Variants in TCP11L2 observed in about 807,000 individuals in gnomAD.
TCP11L2 encodes the protein t-complex 11 like 2.
TCP11L2 carries 39 observed loss-of-function variants against 50.7 expected under a neutral mutation model. That is an observed-to-expected ratio of 0.77 (90% CI 0.60 to 1.01). The LOEUF (loss-of-function observed/expected upper bound fraction) is 1.01. TCP11L2 is among the 50% of genes least tolerant of loss of function. The probability of loss-of-function intolerance (pLI) is 0.00; values close to 1 mark genes in which losing one functional copy is unlikely to be tolerated. For synonymous variants in TCP11L2, 192 were observed against 219.3 expected (o/e 0.88, Z 1.10); for missense variants, 612 against 614.7 (o/e 1.00, Z 0.05).
In TCP11L2 at chr12:106,313,410, G is replaced by A. The variant is rs190113282; in HGVS notation, c.158-948G>A. ...AGCCTGGCCAACATGGCGAAACACC[G>A]TCTCTAATAAAAATACAAAAATTAG... On this transcript the variant is annotated intron_variant, in intron 2 of 9. Transcript: ENST00000299045. Among the ~76,000 whole-genome samples, 18 of 152,082 alleles carry A rather than the reference G, an allele frequency of 1.2e-4. 1 individual carries two copies. The highest frequency in any genetic ancestry group is 4.1e-4 in the African/African-American group (17 of 41,492).
chr12:106,318,246 T>G, intron 3 of TCP11L2, 98 bp from the exon 4 acceptor site: 1 of 1,399,160 alleles, frequency 7.1e-7, no homozygotes, highest in Non-Finnish European at 9.7e-7. Flanking sequence ...TTCTGTGTTT[T>G]TTTTACATTT....
At chr12:106,328,670 T>C (rs1454558661) in intron 6 of TCP11L2, among the ~76,000 whole-genome samples, 1 of 152,250 alleles carries the variant, frequency 6.6e-6, no homozygotes, top group African/African-American at 2.4e-5. Flanking sequence ...AGTTTTGTGT[T>C]ATATTACCTG....
intron 6 of TCP11L2, chr12:106,324,460 A>T (rs1480306011): frequency 1.3e-5 from 2 of 152,204 alleles, no homozygotes; most frequent in Non-Finnish European, 2.9e-5. Context: ...TTGTTAGTAA[A>T]TGAGAGGAGT....
At chr12:106,339,692 G>A (rs1592979468) in intron 8 of TCP11L2, among the ~76,000 whole-genome samples, 1 of 152,136 alleles carries the variant, frequency 6.6e-6, no homozygotes, top group Non-Finnish European at 1.5e-5. Flanking sequence ...CATATGGCTA[G>A]CCAGTTTCCC....
chr12:106,316,469 A>G (rs1312475472), intron 3 of TCP11L2, among the ~76,000 whole-genome samples: 1 of 152,018 alleles, frequency 6.6e-6, no homozygotes, highest in Non-Finnish European at 1.5e-5. Flanking sequence ...GGGTTCACCA[A>G]TCTGGATCTT....
chr12:106,318,345 TTGGC>T lies in TCP11L2; in HGVS notation c.299_302del (p.Ala100ValfsTer3). Reference sequence around the variant, plus strand: ...AAACAATTCATTTTATTGCCATAGTTTGGCTGGTCGAGTGAAGCACATTGTTCAC... The same window carrying T: ...AAACAATTCATTTTATTGCCATAGTTTGGTCGAGTGAAGCACATTGTTCAC... On this transcript the variant is annotated frameshift_variant and splice_region_variant, in exon 4 of 10. Transcript: ENST00000299045. LOFTEE classifies it high-confidence loss of function. 3 of 1,612,928 alleles carry T rather than the reference TTGGC, an allele frequency of 1.9e-6. No homozygotes were observed. Among genetic ancestry groups the T allele is most frequent in the Middle Eastern group, 3.3e-4 (2 of 6,052 alleles).
intron 6 of TCP11L2, among the ~76,000 whole-genome samples, chr12:106,328,544 A>AAAAAC (rs779921301): frequency 4.6e-5 from 7 of 152,320 alleles, no homozygotes; most frequent in South Asian, 2.1e-4. Context: ...TGTCTGTCTC[A>AAAAAC]AAAACAAAAC....
At chr12:106,309,261 G>A (rs2034755689) in intron 1 of TCP11L2, among the ~76,000 whole-genome samples, 1 of 152,154 alleles carries the variant, frequency 6.6e-6, no homozygotes, top group African/African-American at 2.4e-5. Context: ...TTTAAGCTCA[G>A]GTAGAATTTA....
intron 8 of TCP11L2, among the ~76,000 whole-genome samples, chr12:106,336,667 C>T (rs61940338): frequency 0.067 from 10,196 of 151,744 alleles, 460 homozygotes; most frequent in Non-Finnish European, 0.097. Context: ...ATTCTTCTGC[C>T]TCAGCCTCCC....
chr12:106,326,638 A>T (rs961997173), intron 6 of TCP11L2, among the ~76,000 whole-genome samples: 17 of 152,154 alleles, frequency 1.1e-4, no homozygotes, highest in Admixed American at 5.2e-4. Context: ...CAACTGAGGA[A>T]AGTGAGGTTA....
At position 106,346,741 on chromosome 12, in the gene TCP11L2, A is replaced by AT. The variant is rs2036246222; in HGVS notation, c.*212dup. The AT allele has an allele frequency of 6.3e-6, 3 of 479,214 alleles. No homozygotes were observed. Among genetic ancestry groups the AT allele is most frequent in the Non-Finnish European group, 1.1e-5 (3 of 281,978 alleles). 29.7% of individuals were successfully genotyped at this position (479,214 alleles called of 1,614,324 possible). A position where few individuals can be genotyped will look rare whatever the true frequency, so the allele number is the denominator to read the frequency against. Reference sequence around the variant, plus strand: ...AACATCACATAGACCCTATTTGTGCATCATTTTCAAGTTTAAAACAAATAT... The same window carrying AT: ...AACATCACATAGACCCTATTTGTGCATTCATTTTCAAGTTTAAAACAAATAT... On this transcript the variant is annotated 3_prime_UTR_variant, in exon 10 of 10. Coordinates refer to ENST00000299045, the MANE Select transcript of TCP11L2 (RefSeq NM_152772.3).
At chr12:106,328,081 C>A (rs2035619212) in intron 6 of TCP11L2, among the ~76,000 whole-genome samples, 1 of 152,154 alleles carries the variant, frequency 6.6e-6, no homozygotes, top group South Asian at 2.1e-4. Context: ...TCATGTTATT[C>A]TTTAAAAAAA....
chr12:106,323,585 TCAACGC>T lies in TCP11L2; in HGVS notation c.714_719del (p.Arg239_Gln240del). 2 of 1,608,126 alleles carry T rather than the reference TCAACGC, an allele frequency of 1.2e-6. No individual in the cohort carries two copies. The highest frequency in any genetic ancestry group is 1.7e-6 in the Non-Finnish European group (2 of 1,177,322). On this transcript the variant is annotated inframe_deletion, in exon 6 of 10. Transcript: ENST00000299045. Reference sequence around the variant, plus strand: ...CAATTATGAGTCTCAGACCGCACCTTCAACGCCAGTTGGTGGAATATGAGAGAACCA... The same window carrying T: ...CAATTATGAGTCTCAGACCGCACCTTCAGTTGGTGGAATATGAGAGAACCA...
chr12:106,299,879 G>A (rs1453104537), upstream of TCP11L2, among the ~76,000 whole-genome samples: 1 of 152,148 alleles, frequency 6.6e-6, no homozygotes, highest in Non-Finnish European at 1.5e-5. Context: ...TTAGATTTTT[G>A]TCAATGATTT....
chr12:106,332,305 T>C (rs1328620955), intron 6 of TCP11L2, among the ~76,000 whole-genome samples: 1 of 152,216 alleles, frequency 6.6e-6, no homozygotes, highest in East Asian at 1.9e-4. Flanking sequence ...TACTGAGTCT[T>C]TATCCCCAAG....
At chr12:106,323,683 G>T (rs775959889) in intron 6 of TCP11L2, 37 bp downstream of exon 6, 6 of 1,148,846 alleles carry the variant, frequency 5.2e-6, no homozygotes, top group Non-Finnish European at 1.2e-6. Context: ...ATTGAAATTA[G>T]GTTAAAATGA....
chr12:106,313,764 AT>A (rs34867730), intron 2 of TCP11L2, among the ~76,000 whole-genome samples: 39,980 of 113,406 alleles, frequency 0.35, 4,888 homozygotes, highest in African/African-American at 0.44. Context: ...AGGTAATTTA[AT>A]TTTTTTTTTT....
intron 3 of TCP11L2, among the ~76,000 whole-genome samples, chr12:106,316,386 C>T (rs1382603462): frequency 6.6e-6 from 1 of 152,174 alleles, no homozygotes; most frequent in African/African-American, 2.4e-5. Flanking sequence ...TGGCCCCACT[C>T]CCCTGACCCC....
chr12:106,317,648 T>C (rs1204148291), intron 3 of TCP11L2, among the ~76,000 whole-genome samples: 2 of 152,218 alleles, frequency 1.3e-5, no homozygotes, highest in African/African-American at 4.8e-5. Flanking sequence ...TGGCCTCTGC[T>C]TAGGAAAGGT....
Sources: gnomAD v4.1 joint callset for allele counts (sites outside exome capture counted in the v4.1 genomes callset) on GRCh38, gnomAD v4.1.1 for gene constraint, MANE v1.5 for transcripts, NCBI Gene and HGNC (gene_info 2026-07-23, HGNC 2026-07-21) for gene names.